Variants in TRRAP observed in about 807,000 individuals in gnomAD.
TRRAP encodes transformation/transcription domain associated protein.
Under a neutral mutation model 438.8 loss-of-function variants are expected in TRRAP, and 41 were observed. That is an observed-to-expected ratio of 0.09 (90% CI 0.07 to 0.12). The LOEUF (loss-of-function observed/expected upper bound fraction) is 0.12, where lower values mean the gene tolerates loss of function less well. Ranked by LOEUF, TRRAP falls within the 10% of genes least tolerant of loss-of-function variation. The pLI, the probability that TRRAP is intolerant of heterozygous loss-of-function variation, is 1.00. For synonymous variants in TRRAP, 1,994 were observed against 1,962.9 expected (o/e 1.02, Z -0.42); for missense variants, 3,122 against 5,055.1 (o/e 0.62, Z 11.60).
chr7:98,959,559 A>T, intron 45 of TRRAP, 69 bp downstream of exon 45: 1 of 1,564,120 alleles, frequency 6.4e-7, no homozygotes, highest in Non-Finnish European at 8.6e-7. Flanking sequence ...TCACCTGGGC[A>T]GGGACTGGAC....
chr7:98,995,829 C>A (rs1257173967), intron 67 of TRRAP, among the ~76,000 whole-genome samples: 1 of 151,752 alleles, frequency 6.6e-6, no homozygotes, highest in Non-Finnish European at 1.5e-5. Flanking sequence ...TCTACTTACT[C>A]TTGTCCCATC....
chr7:98,924,860 T>C lies in TRRAP; in HGVS notation c.2824-252T>C, dbSNP rs1457040195. Among the ~76,000 whole-genome samples the C allele has an allele frequency of 7.1e-5, 10 of 140,326 alleles. No homozygotes were observed. In the East Asian group the frequency reaches 8.8e-4, roughly 12 times the overall value. The allele number at this position is 140,326 out of a possible 152,430, so 92.1% of individuals were successfully genotyped here. ...CTACTAAAAATACAAAAAACTTAGCTGGGCGTGGTGGCGGGCACCTGTAGT... is the reference window on the plus strand; with the variant it reads ...CTACTAAAAATACAAAAAACTTAGCCGGGCGTGGTGGCGGGCACCTGTAGT... On this transcript the variant is annotated intron_variant, in intron 21 of 72. Coordinates refer to ENST00000456197, the MANE Select transcript of TRRAP (RefSeq NM_001375524.1).
chr7:98,963,740 A>G (rs1792028593), intron 47 of TRRAP, among the ~76,000 whole-genome samples: 2 of 152,170 alleles, frequency 1.3e-5, no homozygotes, highest in South Asian at 2.1e-4. Context: ...AAATCACCTC[A>G]TAACTGGCAA....
intron 3 of TRRAP, among the ~76,000 whole-genome samples, chr7:98,888,481 G>C (rs1324050623): frequency 6.6e-6 from 1 of 152,060 alleles, no homozygotes; most frequent in East Asian, 1.9e-4. Flanking sequence ...AGTTTGCAGT[G>C]AGCCAAGATC....
rs771298587 is a variant in TRRAP at position 98,978,337 on chromosome 7, A to G, written c.8498+14A>G. ...CCACTGGATTCGGTAAGCCAAACAC[A>G]GTGCTTGACGTGTGCATGAATCAGT... On this transcript the variant is annotated intron_variant, in intron 57 of 72. Coordinates refer to ENST00000456197, the MANE Select transcript of TRRAP (RefSeq NM_001375524.1). The G allele has an allele frequency of 1.2e-6, 2 of 1,600,772 alleles. No individual in the cohort carries two copies. Among genetic ancestry groups the G allele is most frequent in the Admixed American group, 1.7e-5 (1 of 59,562 alleles).
intron 67 of TRRAP, 88 bp from the exon 68 acceptor site, chr7:99,004,100 CGT>C: frequency 1.6e-6 from 2 of 1,217,300 alleles, no homozygotes. Context: ...ACATGTAATT[CGT>C]AGCTGGTAGG....
Position 98,994,846 on chromosome 7 carries a change from C to G in TRRAP, c.10307C>G (p.Thr3436Arg). The G allele has an allele frequency of 6.2e-7, 1 of 1,608,066 alleles. No individual in the cohort carries two copies. The highest frequency in any genetic ancestry group is 8.5e-7 in the Non-Finnish European group (1 of 1,174,902). The change falls in exon 67 of 73, where the codon ACG (threonine) becomes AGG (arginine). Residue 3436 changes from threonine (T) to arginine (R), a missense_variant and splice_region_variant. By Grantham distance (71) the Thr-to-Arg change is moderately conservative. This residue lies in a region of TRRAP where 107 missense variants were observed against 327.5 expected (regional missense o/e 0.33). Transcript: ENST00000456197. The surrounding 1 kb of genome is among the most constrained non-coding windows in gnomAD (Gnocchi z 4.8). ...CAGAAGCTGAAAGGCCAGTTCACGA[C>G]GGGTGAGTCTCCATTTTCCTTCCCT... ...VFQKLKGQFT[T>R]DFDFSVPGSM...
At chr7:98,989,770 G>A (rs1793308468) in intron 63 of TRRAP, among the ~76,000 whole-genome samples, 1 of 152,260 alleles carries the variant, frequency 6.6e-6, no homozygotes, top group African/African-American at 2.4e-5. Flanking sequence ...TTGCCGGGGT[G>A]ATGAGCATCT....
chr7:99,009,190 C>G (rs1308843647), intron 70 of TRRAP, among the ~76,000 whole-genome samples: 1 of 151,980 alleles, frequency 6.6e-6, no homozygotes, highest in Non-Finnish European at 1.5e-5. Flanking sequence ...CAGGTATGGG[C>G]TTTAGGTGGG....
chr7:98,949,353 T>C, intron 35 of TRRAP, 64 bp from the exon 36 acceptor site: 13 of 1,421,302 alleles, frequency 9.1e-6, no homozygotes, highest in Non-Finnish European at 1.2e-5. Context: ...TTAACATTCA[T>C]ATCCTCTAAC....
At chr7:98,912,644 T>C (rs1386295924) in intron 18 of TRRAP, among the ~76,000 whole-genome samples, 1 of 152,154 alleles carries the variant, frequency 6.6e-6, no homozygotes, top group Admixed American at 6.6e-5. Flanking sequence ...TATTTTCTTT[T>C]TTTGGATTAC....
At chr7:98,887,740 A>AAC (rs1423391479) in intron 3 of TRRAP, among the ~76,000 whole-genome samples, 2 of 144,266 alleles carry the variant, frequency 1.4e-5, no homozygotes, top group Non-Finnish European at 2.9e-5. Context: ...AAAAAAAAAA[A>AAC]AAAAAAAAAA....
At chr7:99,010,658 C>T (rs983201335) in intron 70 of TRRAP, among the ~76,000 whole-genome samples, 10 of 152,158 alleles carry the variant, frequency 6.6e-5, no homozygotes, top group Non-Finnish European at 1.5e-4. Flanking sequence ...AAACATCTGT[C>T]ATTAGTATAA....
Position 98,931,461 on chromosome 7 carries a change from G to A in TRRAP, c.3648G>A (p.Arg1216=), listed in dbSNP as rs1554412844. The change falls in exon 26 of 73, where the codon CGG becomes CGA. Residue 1216 remains arginine, a synonymous_variant. Transcript: ENST00000456197. ...CCACGCTGGAGCAGCTTCTGATGCGGTGCGCAACGCCTTTAAAAGACGAGG... is the reference window on the plus strand; with the variant it reads ...CCACGCTGGAGCAGCTTCTGATGCGATGCGCAACGCCTTTAAAAGACGAGG... ...AKTTLEQLLM[R]CATPLKDEER... is the part of the protein sequence containing the mutation. 6.2e-7 allele frequency: 1 copy of A among 1,614,130 alleles called. No homozygotes were observed. The highest frequency in any genetic ancestry group is 8.5e-7 in the Non-Finnish European group (1 of 1,180,002).
intron 46 of TRRAP, 73 bp downstream of exon 46, chr7:98,961,547 T>A (rs1791892681): frequency 6.5e-7 from 1 of 1,541,038 alleles, no homozygotes; most frequent in Admixed American, 1.7e-5. Context: ...TGAGAGCGCT[T>A]GTCCTCCAGT....
intron 3 of TRRAP, among the ~76,000 whole-genome samples, chr7:98,886,760 T>C (rs1191595938): frequency 4.6e-5 from 7 of 152,206 alleles, no homozygotes; most frequent in African/African-American, 1.7e-4. Context: ...TACAGATTCA[T>C]TATTAAATGG....
At position 98,997,483 on chromosome 7, in the gene TRRAP, C is replaced by CAAAAAAAAAAAA. The variant is rs61132070; in HGVS notation, c.10309+2653_10309+2664dup. Among the ~76,000 whole-genome samples the CAAAAAAAAAAAA allele has an allele frequency of 5.6e-4, 24 of 42,620 alleles. 3 individuals carry two copies. Among genetic ancestry groups the CAAAAAAAAAAAA allele is most frequent in the African/African-American group, 7.7e-4 (9 of 11,732 alleles). 28.0% of individuals were successfully genotyped at this position (42,620 alleles called of 152,430 possible). A position where few individuals can be genotyped will look rare whatever the true frequency, so the allele number is the denominator to read the frequency against. On this transcript the variant is annotated intron_variant, in intron 67 of 72. Transcript: ENST00000456197. ...ATTATCACCCAAAACACTGCTGTTG[C>CAAAAAAAAAAAA]AAAAAAAAAAAAAAAAAAAAAAAAA...
chr7:98,933,337 A>T lies in TRRAP; in HGVS notation c.3949A>T (p.Thr1317Ser), dbSNP rs1584329035. 2 of 1,614,134 alleles carry T rather than the reference A, an allele frequency of 1.2e-6. No homozygotes were observed. Among genetic ancestry groups the T allele is most frequent in the Admixed American group, 1.7e-5 (1 of 60,018 alleles). Reference protein sequence around the residue: ...GLMEGNTFCTTLQPRLFTMDL... With the variant: ...GLMEGNTFCTSLQPRLFTMDL... ...GATGGAGGGGAACACGTTCTGTACC[A>T]CGTTGCAGCCCAGGCTCTTCACAAT... The change falls in exon 27 of 73, where the codon ACG becomes TCG. Residue 1317 changes from threonine to serine, a missense_variant. This residue lies in a region of TRRAP where 84 missense variants were observed against 119.8 expected (regional missense o/e 0.70). Transcript: ENST00000456197.
rs1398776787 is a variant in TRRAP, at chr7:98,880,602, T to A, written c.-61-488T>A. Reference sequence around the variant, plus strand: ...TACCGCCCATGAGCTAAGAATGGTTTTATATTTTTAAATGGCTGGGGAAAA... The same window carrying A: ...TACCGCCCATGAGCTAAGAATGGTTATATATTTTTAAATGGCTGGGGAAAA... On this transcript the variant is annotated intron_variant, in intron 1 of 72. Coordinates refer to ENST00000456197, the MANE Select transcript of TRRAP (RefSeq NM_001375524.1). 6.6e-5 allele frequency among the ~76,000 whole-genome samples: 10 copies of A among 152,288 alleles called. No homozygotes were observed. In the South Asian group the frequency reaches 8.3e-4, roughly 13 times the overall value.
Sources: allele counts gnomAD v4.1 joint callset (sites outside exome capture counted in the v4.1 genomes callset), GRCh38; gene constraint gnomAD v4.1.1; regional missense constraint gnomAD v4.1.1; non-coding constraint Gnocchi (gnomAD v3.1); transcripts MANE v1.5; gene names NCBI Gene and HGNC (gene_info 2026-07-23, HGNC 2026-07-21).